CILK1: variants seen among roughly 807,000 people sequenced by gnomAD.
The protein encoded by CILK1 is ciliogenesis associated kinase 1.
In CILK1, 47 loss-of-function variants were observed where a neutral mutation model predicts 79.2. The ratio of observed to expected loss-of-function variants is 0.59; its 90% CI spans 0.47 to 0.76. The LOEUF (loss-of-function observed/expected upper bound fraction) is 0.76, where lower values mean the gene tolerates loss of function less well. Ranked by LOEUF, CILK1 falls within the 30% of genes least tolerant of loss-of-function variation. The pLI, the probability that CILK1 is intolerant of heterozygous loss-of-function variation, is 0.00. For missense variants in CILK1, 660 were observed against 769.5 expected, an observed-to-expected ratio of 0.86 and a Z score of 1.68; for synonymous variants, 266 against 275.9, an observed-to-expected ratio of 0.96 and a Z score of 0.36.
chr6:53,037,074 C>CT (rs980813307), intron 3 of CILK1, among the ~76,000 whole-genome samples: 55 of 152,236 alleles, frequency 3.6e-4, no homozygotes, highest in African/African-American at 1.3e-3. Context: ...ATGTACAGGA[C>CT]CCCTTTGGAG....
At chr6:53,027,521 A>C (rs1231422428) in intron 5 of CILK1, among the ~76,000 whole-genome samples, 1 of 152,212 alleles carries the variant, frequency 6.6e-6, no homozygotes, top group Non-Finnish European at 1.5e-5. Context: ...CCAGAGGCAG[A>C]ATGCACCTCC....
rs1004100111 is a variant in CILK1 at position 53,041,389 on chromosome 6, T to A, written c.-153A>T. 6 of 648,078 alleles carry A rather than the reference T, an allele frequency of 9.3e-6. No individual in the cohort carries two copies. The highest frequency in any genetic ancestry group is 2.4e-5 in the Admixed American group (1 of 42,428). 40.1% of individuals were successfully genotyped at this position (648,078 alleles called of 1,614,324 possible). A position where few individuals can be genotyped will look rare whatever the true frequency, so the allele number is the denominator to read the frequency against. On this transcript the variant is annotated 5_prime_UTR_variant, in exon 2 of 14. Transcript: ENST00000676107. ...CGTGACTGTCTCCCAAATACATATTTCCAAAAATCAGTCTTCTGCCTGCAG... is the reference window on the plus strand; with the variant it reads ...CGTGACTGTCTCCCAAATACATATTACCAAAAATCAGTCTTCTGCCTGCAG...
intron 4 of CILK1, among the ~76,000 whole-genome samples, chr6:53,031,384 A>AAT (rs901275033): frequency 1.3e-5 from 2 of 152,340 alleles, no homozygotes; most frequent in Non-Finnish European, 2.9e-5. Flanking sequence ...AAAACTTTAA[A>AAT]AATTTTTGGT....
At chr6:53,012,576 A>G (rs1236927913) in intron 9 of CILK1, among the ~76,000 whole-genome samples, 1 of 152,244 alleles carries the variant, frequency 6.6e-6, no homozygotes, top group African/African-American at 2.4e-5. Context: ...TAAGAAATTA[A>G]GGCTAAGATG....
intron 7 of CILK1, 70 bp from the exon 8 acceptor site, chr6:53,016,320 T>A (rs1764894169): frequency 6.6e-7 from 1 of 1,525,386 alleles, no homozygotes; most frequent in Admixed American, 1.7e-5. Flanking sequence ...TTCTGGCATG[T>A]GTGCCCCAAA....
Position 53,048,697 on chromosome 6 carries a change from C to T in CILK1, c.-172-7289G>A, listed in dbSNP as rs1767275046. The stretch of plus-strand genomic sequence containing the variant: ...GGGACCATGGTAGGCGCCTTCGCTG[C>T]TCTACTCCATAGCAATGCTTCTCTT... On this transcript the variant is annotated intron_variant, in intron 1 of 13. Transcript: ENST00000676107. 2.0e-5 allele frequency among the ~76,000 whole-genome samples: 3 copies of T among 152,156 alleles called. No individual in the cohort carries two copies. In the South Asian group the frequency reaches 6.2e-4, roughly 31 times the overall value.
intron 1 of CILK1, chr6:53,054,611 A>C (rs549532238): frequency 6.6e-6 from 1 of 152,486 alleles, no homozygotes; most frequent in Non-Finnish European, 1.5e-5. Flanking sequence ...CTCCCACAAC[A>C]ATGCCAAGAT....
intron 8 of CILK1, 114 bp downstream of exon 8, chr6:53,015,969 G>T: frequency 9.8e-7 from 1 of 1,021,140 alleles, no homozygotes; most frequent in Non-Finnish European, 1.5e-6. Flanking sequence ...CACCATTAGT[G>T]GTATTCTGTA....
chr6:53,034,763 C>T (rs765738923), intron 3 of CILK1, among the ~76,000 whole-genome samples: 4 of 152,174 alleles, frequency 2.6e-5, no homozygotes, highest in Admixed American at 2.0e-4. Context: ...GAAGATCATA[C>T]TAAGTGTCAA....
Position 53,018,412 on chromosome 6 carries a change from T to C in CILK1, c.581A>G (p.Tyr194Cys), listed in dbSNP as rs1424815582. The C allele has an allele frequency of 6.2e-7, 1 of 1,613,980 alleles. No homozygotes were observed. The highest frequency in any genetic ancestry group is 1.3e-5 in the African/African-American group (1 of 74,888). Residue 194 changes from tyrosine (Y) to cysteine (C), a missense_variant, in exon 7 of 14, where the codon TAC (tyrosine) becomes TGC (cysteine). Transcript: ENST00000676107. Reference protein sequence around the residue: ...WAVGCIMAEVYTLRPLFPGAS... With the variant: ...WAVGCIMAEVCTLRPLFPGAS... ...TCCAGGGAAGAGTGGCCTGAGGGTG[T>C]AAACTTCTGCCATGATGCAGCCCAC...
intron 5 of CILK1, among the ~76,000 whole-genome samples, chr6:53,028,420 G>A (rs1435831203): frequency 6.6e-6 from 1 of 152,222 alleles, no homozygotes; most frequent in Non-Finnish European, 1.5e-5. Context: ...AACAGGCATA[G>A]GCTATCTGAA....
intron 5 of CILK1, among the ~76,000 whole-genome samples, chr6:53,021,462 A>G (rs532236361): frequency 1.3e-5 from 2 of 152,168 alleles, no homozygotes; most frequent in East Asian, 3.9e-4. Flanking sequence ...CCACTTAAAC[A>G]CTATCTTTCC....
intron 9 of CILK1, among the ~76,000 whole-genome samples, chr6:53,012,451 T>C (rs1054382636): frequency 1.3e-5 from 2 of 152,130 alleles, no homozygotes; most frequent in African/African-American, 2.4e-5. Flanking sequence ...TAAAGTTGTA[T>C]AAAATAAGGA....
At chr6:53,039,720 A>G (rs1766581867) in intron 2 of CILK1, among the ~76,000 whole-genome samples, 1 of 152,218 alleles carries the variant, frequency 6.6e-6, no homozygotes, top group South Asian at 2.1e-4. Flanking sequence ...ATGGAACACA[A>G]AGAACATTTG....
chr6:53,028,926 G>T (rs555738927), intron 5 of CILK1, among the ~76,000 whole-genome samples: 1 of 152,046 alleles, frequency 6.6e-6, no homozygotes, highest in South Asian at 2.1e-4. Flanking sequence ...GTGTCTTGGG[G>T]TGCTTATGTG....
At chr6:53,040,131 A>G (rs1409466179) in intron 2 of CILK1, among the ~76,000 whole-genome samples, 1 of 152,190 alleles carries the variant, frequency 6.6e-6, no homozygotes, top group Non-Finnish European at 1.5e-5. Flanking sequence ...ATAGATGCTG[A>G]CAAGTCAACT....
At chr6:53,021,132 G>C (rs1765210244) in intron 5 of CILK1, among the ~76,000 whole-genome samples, 1 of 152,186 alleles carries the variant, frequency 6.6e-6, no homozygotes, top group Admixed American at 6.5e-5. Flanking sequence ...GACCAGCCTG[G>C]CCAATATGGT....
At chr6:53,030,598 TA>T (rs1411305742) in intron 5 of CILK1, among the ~76,000 whole-genome samples, 2 of 152,236 alleles carry the variant, frequency 1.3e-5, no homozygotes, top group African/African-American at 4.8e-5. Context: ...TCTCTTTTTT[TA>T]GTTTGCTAAT....
In CILK1 at chr6:53,041,192, G is replaced by A. The variant is rs376439891; in HGVS notation, c.45C>T (p.Tyr15=). Residue 15 remains tyrosine (Y), a synonymous_variant, in exon 2 of 14, where the codon TAC becomes TAT. Coordinates refer to ENST00000676107, the MANE Select transcript of CILK1 (RefSeq NM_014920.5). Reference sequence around the variant, plus strand: ...TGCTTCTTCCCAGCAGGACGGAACCGTAGGTTCCATCCCCGAGCTGCCTGA... The same window carrying A: ...TGCTTCTTCCCAGCAGGACGGAACCATAGGTTCCATCCCCGAGCTGCCTGA... The part of the protein sequence containing the change: ...TTIRQLGDGT[Y]GSVLLGRSIE... 1.5e-5 allele frequency: 25 copies of A among 1,613,702 alleles called. No individual in the cohort carries two copies. Among genetic ancestry groups the A allele is most frequent in the African/African-American group, 6.7e-5 (5 of 74,916 alleles).
Sources: gnomAD v4.1 joint callset for allele counts (sites outside exome capture counted in the v4.1 genomes callset) on GRCh38, gnomAD v4.1.1 for gene constraint, MANE v1.5 for transcripts, NCBI Gene and HGNC (gene_info 2026-07-23, HGNC 2026-07-21) for gene names.